IRS2: variants seen among roughly 807,000 people sequenced by gnomAD.
IRS2 encodes insulin receptor substrate 2.
IRS2 carries 28 observed loss-of-function variants against 70.9 expected under a neutral mutation model. The observed-to-expected ratio is 0.39, with a 90% CI of 0.29 to 0.54. The LOEUF (loss-of-function observed/expected upper bound fraction) is 0.54. Ranked by LOEUF, IRS2 falls within the 20% of genes least tolerant of loss-of-function variation. IRS2 has a pLI of 0.59. For missense variants in IRS2, 2,081 were observed against 2,024.1 expected (o/e 1.03, Z -0.54); for synonymous variants, 1,217 against 981.9 (o/e 1.24, Z -4.48).
chr13:109,765,649 C>A (rs1341636634), intron 1 of IRS2, among the ~76,000 whole-genome samples: 1 of 66,358 alleles, frequency 1.5e-5, no homozygotes, highest in South Asian at 6.0e-4. Context: ...TCCAACTCCC[C>A]ACCAAGCATG....
At chr13:109,774,994 T>C (rs1877540224) in intron 1 of IRS2, among the ~76,000 whole-genome samples, 1 of 152,150 alleles carries the variant, frequency 6.6e-6, no homozygotes, top group Non-Finnish European at 1.5e-5. Flanking sequence ...GGATTATCTG[T>C]TACACTTATA....
rs1483570448 is a variant in IRS2 at position 109,785,737 on chromosome 13, T to C, written c.317A>G (p.Asp106Gly). Residue 106 changes from aspartate (D) to glycine (G), a missense_variant, in exon 1 of 2, where the codon GAC becomes GGC. By Grantham distance (94) the Asp-to-Gly change is moderately conservative (BLOSUM62 -1). Coordinates refer to ENST00000375856, the MANE Select transcript of IRS2 (RefSeq NM_003749.3). The surrounding 1 kb of genome is among the most constrained non-coding windows in gnomAD (Gnocchi z 9.3). Reference sequence around the variant, plus strand: ...GGCGATCAGGTACTTGTGCTTGGCGTCGGCGCGCTTGTTGATGTTCAGGCA... The same window carrying C: ...GGCGATCAGGTACTTGTGCTTGGCGCCGGCGCGCTTGTTGATGTTCAGGCA... ...DCCLNINKRA[D>G]AKHKYLIALY... 1.3e-6 allele frequency: 2 copies of C among 1,597,636 alleles called. No individual in the cohort carries two copies. Among genetic ancestry groups the C allele is most frequent in the African/African-American group, 2.7e-5 (2 of 74,714 alleles).
rs1226222952 is a variant in IRS2 at position 109,784,482 on chromosome 13, G to A, written c.1572C>T (p.Ile524=). The part of the protein sequence containing the change: ...CSHRSNTPES[I]AETPPARDGG... ...CGTCTCGGGCCGGGGGCGTCTCCGCGATGGACTCGGGCGTGTTGCTTCGGT... is the reference window on the plus strand; with the variant it reads ...CGTCTCGGGCCGGGGGCGTCTCCGCAATGGACTCGGGCGTGTTGCTTCGGT... The change falls in exon 1 of 2, where the codon ATC becomes ATT. Residue 524 remains isoleucine, a synonymous_variant. Coordinates refer to ENST00000375856, the MANE Select transcript of IRS2 (RefSeq NM_003749.3). This position sits in a 1 kb window ranked among gnomAD's most constrained non-coding sequence, Gnocchi z 5.2. 2 of 1,576,364 alleles carry A rather than the reference G, an allele frequency of 1.3e-6. No individual in the cohort carries two copies. The highest frequency in any genetic ancestry group is 1.7e-6 in the Non-Finnish European group (2 of 1,159,230).
Position 109,785,576 on chromosome 13 carries a change from C to A in IRS2, c.478G>T (p.Ala160Ser). Residue 160 changes from alanine to serine, a missense_variant, in exon 1 of 2, where the codon GCC becomes TCC. Around this residue, in one of 4 missense-constraint regions of IRS2, gnomAD observed 320 missense variants for 352.9 expected, o/e 0.91. Coordinates refer to ENST00000375856, the MANE Select transcript of IRS2 (RefSeq NM_003749.3). This position sits in a 1 kb window ranked among gnomAD's most constrained non-coding sequence, Gnocchi z 9.3. ...GGCAGGGAGGCGCTGCAGGACGCGGCGGGCGCGGCGGCGGGGGGCGCGTCT... is the reference window on the plus strand; with the variant it reads ...GGCAGGGAGGCGCTGCAGGACGCGGAGGGCGCGGCGGCGGGGGGCGCGTCT... ...AGDAPPAAAPAASCSASLPGA... is the reference protein window; with the variant it reads ...AGDAPPAAAPSASCSASLPGA... 7.7e-7 allele frequency: 1 copy of A among 1,302,846 alleles called. No homozygotes were observed. The highest frequency in any genetic ancestry group is 2.3e-5 in the South Asian group (1 of 43,286). The allele number at this position is 1,302,846 out of a possible 1,614,324, so 80.7% of individuals were successfully genotyped here.
At chr13:109,767,450 C>G (rs890558479) in intron 1 of IRS2, among the ~76,000 whole-genome samples, 5 of 152,134 alleles carry the variant, frequency 3.3e-5, no homozygotes, top group African/African-American at 1.2e-4. Context: ...ATTTCCTACA[C>G]GAAAAGGAAG....
At chr13:109,774,901 A>T (rs4773091) in intron 1 of IRS2, among the ~76,000 whole-genome samples, 50,306 of 152,006 alleles carry the variant, frequency 0.33, 8,457 homozygotes, top group Middle Eastern at 0.48. Flanking sequence ...AATATTGATC[A>T]GAATAATGGT....
chr13:109,785,152 C>G lies in IRS2; in HGVS notation c.902G>C (p.Arg301Pro), dbSNP rs1266209411. The G allele has an allele frequency of 6.3e-7, 1 of 1,598,718 alleles. No homozygotes were observed. The highest frequency in any genetic ancestry group is 1.7e-5 in the Admixed American group (1 of 58,254). The part of the protein sequence containing the change: ...MKALKELFEF[R>P]PRSKSQSSGS... ...CGACGATTGGCTCTTACTGCGCGGC[C>G]GGAACTCGAAGAGCTCCTTGAGCGC... is the stretch of plus-strand genomic sequence containing the variant. Residue 301 changes from arginine (R) to proline (P), a missense_variant, in exon 1 of 2, where the codon CGG becomes CCG. Physicochemically the swap from Arg to Pro is moderately radical, Grantham distance 103 (BLOSUM62 -2). Around this residue, in one of 4 missense-constraint regions of IRS2, gnomAD observed 111 missense variants for 133.1 expected, o/e 0.83. Coordinates refer to ENST00000375856, the MANE Select transcript of IRS2 (RefSeq NM_003749.3). This position sits in a 1 kb window ranked among gnomAD's most constrained non-coding sequence, Gnocchi z 9.3.
intron 1 of IRS2, among the ~76,000 whole-genome samples, chr13:109,771,627 T>C (rs1444110467): frequency 6.6e-6 from 1 of 152,214 alleles, no homozygotes; most frequent in East Asian, 1.9e-4. Flanking sequence ...ATGTAAAACG[T>C]TATTTTAGGT....
At position 109,753,628 on chromosome 13, in the gene IRS2, T is replaced by C. The variant is rs1877041218; in HGVS notation, c.*2676A>G. ...TCTGTTTTGTAGAGTACATCGAATG[T>C]TCTGTTTTGTTATATAACACATTTA... On this transcript the variant is annotated 3_prime_UTR_variant, in exon 2 of 2. Coordinates refer to ENST00000375856, the MANE Select transcript of IRS2 (RefSeq NM_003749.3). 5.8e-6 allele frequency: 1 copy of C among 172,398 alleles called. No individual in the cohort carries two copies. 10.7% of individuals were successfully genotyped at this position (172,398 alleles called of 1,614,324 possible). A position where few individuals can be genotyped will look rare whatever the true frequency, so the allele number is the denominator to read the frequency against.
rs186142794 is a variant in IRS2 at position 109,778,117 on chromosome 13, G to A, written c.4012+3925C>T. Among the ~76,000 whole-genome samples the A allele has an allele frequency of 1.2e-4, 18 of 152,304 alleles. 1 individual carries two copies. The highest frequency in any genetic ancestry group is 1.2e-3 in the Admixed American group (18 of 15,294). On this transcript the variant is annotated intron_variant, in intron 1 of 1. Coordinates refer to ENST00000375856, the MANE Select transcript of IRS2 (RefSeq NM_003749.3). Reference sequence around the variant, plus strand: ...CTGGATTTATTAGCATCTTCCTTTAGAAGAGCTTAAAACACTCTTGATGTT... The same window carrying A: ...CTGGATTTATTAGCATCTTCCTTTAAAAGAGCTTAAAACACTCTTGATGTT...
Position 109,785,394 on chromosome 13 carries a change from G to A in IRS2, c.660C>T (p.Cys220=), listed in dbSNP as rs2138938205. Reference sequence around the variant, plus strand: ...CGAAGCCGATGGTGCGCGCAGACAGGCACAGACGGTACACCCCCGTCAGGT... The same window carrying A: ...CGAAGCCGATGGTGCGCGCAGACAGACACAGACGGTACACCCCCGTCAGGT... The part of the protein sequence containing the change: ...SKNLTGVYRL[C]LSARTIGFVK... Residue 220 remains cysteine (C), a synonymous_variant, in exon 1 of 2, where the codon TGC becomes TGT. Coordinates refer to ENST00000375856, the MANE Select transcript of IRS2 (RefSeq NM_003749.3). This position sits in a 1 kb window ranked among gnomAD's most constrained non-coding sequence, Gnocchi z 9.3. 2 of 1,612,482 alleles carry A rather than the reference G, an allele frequency of 1.2e-6. No homozygotes were observed. Among genetic ancestry groups the A allele is most frequent in the South Asian group, 1.1e-5 (1 of 91,064 alleles).
chr13:109,782,505 C>A lies in IRS2; in HGVS notation c.3549G>T (p.Arg1183Ser). The A allele has an allele frequency of 6.4e-7, 1 of 1,554,142 alleles. No individual in the cohort carries two copies. Residue 1183 changes from arginine (R) to serine (S), a missense_variant, in exon 1 of 2, where the codon AGG becomes AGT. This residue lies in a region of IRS2 where 1,615 missense variants were observed against 1,459.5 expected (regional missense o/e 1.11). Transcript: ENST00000375856. ...NSASVENVSLRKSSEGGVGVG... is the reference protein window; with the variant it reads ...NSASVENVSLSKSSEGGVGVG... ...CACCCACGCCGCCCTCGCTGCTTTT[C>A]CTGAGAGAGACATTTTCCACGGAGG...
chr13:109,764,298 G>A (rs941595284), intron 1 of IRS2, among the ~76,000 whole-genome samples: 4 of 152,158 alleles, frequency 2.6e-5, no homozygotes, highest in African/African-American at 9.7e-5. Flanking sequence ...CCAGAGCCGG[G>A]TCCCCAGGGC....
rs1877907599 is a variant in IRS2 at position 109,785,892 on chromosome 13, G to A, written c.162C>T (p.Gly54=). The part of the protein sequence containing the change: ...HKRFFVLRGP[G]AGGDEATAGG... ...CCGCCGTCGCCTCGTCGCCGCCCGC[G>A]CCGGGTCCGCGCAGCACGAAGAAGC... The change falls in exon 1 of 2, where the codon GGC becomes GGT. Residue 54 remains glycine (G), a synonymous_variant. Transcript: ENST00000375856. The surrounding 1 kb of genome is among the most constrained non-coding windows in gnomAD (Gnocchi z 9.3). The A allele has an allele frequency of 6.7e-7, 1 of 1,491,686 alleles. No individual in the cohort carries two copies. The highest frequency in any genetic ancestry group is 8.9e-7 in the Non-Finnish European group (1 of 1,128,590). 92.4% of individuals were successfully genotyped at this position (1,491,686 alleles called of 1,614,324 possible).
At chr13:109,758,676 C>T (rs11619412) in intron 1 of IRS2, among the ~76,000 whole-genome samples, 1 of 152,016 alleles carries the variant, frequency 6.6e-6, no homozygotes, top group Non-Finnish European at 1.5e-5. Flanking sequence ...ACGTTAATTT[C>T]TAAGCATTAG....
intron 1 of IRS2, among the ~76,000 whole-genome samples, chr13:109,764,529 C>T (rs1449093758): frequency 2.6e-5 from 4 of 152,348 alleles, no homozygotes; most frequent in African/African-American, 9.6e-5. Flanking sequence ...ATGCTACTAG[C>T]ACAACTGGCA....
In IRS2 at chr13:109,753,603, T is replaced by C. The variant is rs1021989202; in HGVS notation, c.*2701A>G. On this transcript the variant is annotated 3_prime_UTR_variant, in exon 2 of 2. Coordinates refer to ENST00000375856, the MANE Select transcript of IRS2 (RefSeq NM_003749.3). ...ATGGCATCCAGCACGTCATAAGGAC[T>C]CTGTTTTGTAGAGTACATCGAATGT... 4 of 165,896 alleles carry C rather than the reference T, an allele frequency of 2.4e-5. No homozygotes were observed. The highest frequency in any genetic ancestry group is 5.3e-5 in the Non-Finnish European group (4 of 75,924). The allele number at this position is 165,896 out of a possible 1,614,324, so 10.3% of individuals were successfully genotyped here. A position where few individuals can be genotyped will look rare whatever the true frequency, so the allele number is the denominator to read the frequency against.
intron 1 of IRS2, among the ~76,000 whole-genome samples, chr13:109,758,586 T>C (rs1367870431): frequency 2.0e-5 from 3 of 152,150 alleles, no homozygotes; most frequent in African/African-American, 7.2e-5. Context: ...AATATTCAAC[T>C]CTTATCATTA....
chr13:109,769,639 C>T (rs1035829084), intron 1 of IRS2, among the ~76,000 whole-genome samples: 1 of 152,204 alleles, frequency 6.6e-6, no homozygotes, highest in African/African-American at 2.4e-5. Flanking sequence ...ACCTGTAGTG[C>T]TTCATCTCCT....
Sources: gnomAD v4.1 joint callset for allele counts (sites outside exome capture counted in the v4.1 genomes callset) on GRCh38, gnomAD v4.1.1 for gene constraint, gnomAD v4.1.1 regional missense constraint, Gnocchi (gnomAD v3.1) non-coding constraint, MANE v1.5 for transcripts, NCBI Gene and HGNC (gene_info 2026-07-23, HGNC 2026-07-21) for gene names.